WNT2B: variants seen among roughly 807,000 people sequenced by gnomAD.
The protein encoded by WNT2B is protein Wnt-2b.
In WNT2B, 19 loss-of-function variants were observed where a neutral mutation model predicts 40.5. That is an observed-to-expected ratio of 0.47 (90% confidence interval 0.33 to 0.69). The LOEUF is 0.69. WNT2B is among the 30% of genes least tolerant of loss of function. The probability of loss-of-function intolerance (pLI) is 0.02; values close to 1 mark genes in which losing one functional copy is unlikely to be tolerated. For synonymous variants in WNT2B, 220 were observed against 211.9 expected, an observed-to-expected ratio of 1.04 and a Z score of -0.33; for missense variants, 467 against 556.4, an observed-to-expected ratio of 0.84 and a Z score of 1.62.
At position 112,499,355 on chromosome 1, in the gene WNT2B, A is replaced by G. The variant is rs187994434; in HGVS notation, c.-94-15519A>G. Among the ~76,000 whole-genome samples the G allele has an allele frequency of 2.4e-3, 370 of 152,338 alleles. 3 individuals are homozygous for G. The highest frequency in any genetic ancestry group is 8.2e-3 in the African/African-American group (340 of 41,572). The stretch of plus-strand genomic sequence containing the variant: ...TACCAAAACCAGACAAAGACATTAT[A>G]TGAAAACTCAGACTAATATCTCTCA... On this transcript the variant is annotated intron_variant, in intron 1 of 4. Transcript: ENST00000256640.
chr1:112,516,072 T>C (rs930199545), intron 2 of WNT2B, 68 bp from the exon 3 acceptor site: 4 of 1,545,076 alleles, frequency 2.6e-6, no homozygotes, highest in African/African-American at 1.4e-5. Flanking sequence ...TCAGAGGTTG[T>C]ATGGGCTGAA....
rs1211284071 is a variant in WNT2B at position 112,524,257 on chromosome 1, T to G, written c.*3748T>G. 4 of 152,556 alleles carry G rather than the reference T, an allele frequency of 2.6e-5. No individual in the cohort carries two copies. The highest frequency in any genetic ancestry group is 4.4e-5 in the Non-Finnish European group (3 of 68,024). The allele number at this position is 152,556 out of a possible 1,614,324, so 9.5% of individuals were successfully genotyped here. ...ACAGAAGAGAGATAATTAGGATTTT[T>G]TTTTCCTCAGTCTTTCTGAGGTTTT... is the stretch of plus-strand genomic sequence containing the variant. On this transcript the variant is annotated 3_prime_UTR_variant, in exon 5 of 5. Coordinates refer to ENST00000369684, the MANE Select transcript of WNT2B (RefSeq NM_024494.3).
At chr1:112,505,262 T>C (rs1652074098), upstream of WNT2B, among the ~76,000 whole-genome samples, 1 of 152,236 alleles carries the variant, frequency 6.6e-6, no homozygotes, top group Admixed American at 6.5e-5. Flanking sequence ...ACTGATACTG[T>C]TCACTATGTC....
chr1:112,526,171 G>C lies in WNT2B; in HGVS notation c.*5662G>C. The stretch of plus-strand genomic sequence containing the variant: ...CCTGTAGGAGTCCCAGGACAGCCAA[G>C]AGAGTATATCTGAGCACAGTTTACA... On this transcript the variant is annotated 3_prime_UTR_variant, in exon 5 of 5. Coordinates refer to ENST00000369684, the MANE Select transcript of WNT2B (RefSeq NM_024494.3). 6.8e-6 allele frequency: 11 copies of C among 1,609,622 alleles called. No homozygotes were observed. The highest frequency in any genetic ancestry group is 8.5e-6 in the Non-Finnish European group (10 of 1,178,336).
intron 1 of WNT2B, chr1:112,490,895 C>T (rs1434982990): frequency 2.0e-6 from 2 of 996,758 alleles, no homozygotes; most frequent in Non-Finnish European, 3.0e-6. Flanking sequence ...CGGAAAGATC[C>T]CCCCTGGATT....
chr1:112,486,263 C>T (rs867141735), intron 1 of WNT2B, among the ~76,000 whole-genome samples: 2 of 151,962 alleles, frequency 1.3e-5, no homozygotes, highest in African/African-American at 2.4e-5. Flanking sequence ...GGCAACATAG[C>T]GAGACCCCAT....
Position 112,494,771 on chromosome 1 carries a change from G to C in WNT2B, c.-94-20103G>C, listed in dbSNP as rs569847856. On this transcript the variant is annotated intron_variant, in intron 1 of 4. Transcript: ENST00000256640. ...GAAATGTTAAAAGAAATTCTTTAGAGAGAAGCAAAATAATAGGTCAGAAAC... is the reference window on the plus strand; with the variant it reads ...GAAATGTTAAAAGAAATTCTTTAGACAGAAGCAAAATAATAGGTCAGAAAC... Among the ~76,000 whole-genome samples the C allele has an allele frequency of 2.0e-5, 3 of 151,622 alleles. No individual in the cohort carries two copies. The South Asian group carries it at 6.2e-4, about 31-fold the overall frequency.
chr1:112,475,855 A>G (rs958496782), intron 1 of WNT2B, among the ~76,000 whole-genome samples: 1 of 152,180 alleles, frequency 6.6e-6, no homozygotes, highest in East Asian at 1.9e-4. Flanking sequence ...AAACAACTCA[A>G]TTAAAGGCAG....
At chr1:112,490,893 T>A (rs1651581123) in intron 1 of WNT2B, 1 of 985,962 alleles carries the variant, frequency 1.0e-6, no homozygotes, top group Non-Finnish European at 1.5e-6. Context: ...TCCGGAAAGA[T>A]CCCCCCTGGA....
Position 112,509,577 on chromosome 1 carries a change from T to G in WNT2B, c.182+133T>G. 9.8e-7 allele frequency: 1 copy of G among 1,021,650 alleles called. No homozygotes were observed. The highest frequency in any genetic ancestry group is 1.3e-6 in the Non-Finnish European group (1 of 759,178). The allele number at this position is 1,021,650 out of a possible 1,614,324, so 63.3% of individuals were successfully genotyped here. A position where few individuals can be genotyped will look rare whatever the true frequency, so the allele number is the denominator to read the frequency against. On this transcript the variant is annotated intron_variant, in intron 1 of 4. Transcript: ENST00000369684. The surrounding 1 kb of genome is among the most constrained non-coding windows in gnomAD (Gnocchi z 4.2). ...GAGACGATTCGGGCAGGACTGTCAC[T>G]GAAATCTGAAGTCGCGGGGTGGCGG...
intron 1 of WNT2B, among the ~76,000 whole-genome samples, chr1:112,488,478 C>A (rs1262368941): frequency 6.6e-6 from 1 of 151,862 alleles, no homozygotes; most frequent in African/African-American, 2.4e-5. Flanking sequence ...TTTGTAAATG[C>A]TGTAAATAAC....
At position 112,509,073 on chromosome 1, in the gene WNT2B, C is replaced by T; in HGVS notation, c.-190C>T. On this transcript the variant is annotated 5_prime_UTR_variant, in exon 1 of 5. Transcript: ENST00000369684. This position sits in a 1 kb window ranked among gnomAD's most constrained non-coding sequence, Gnocchi z 4.2. ...GGTTCGGCACGCCGTCGTCGGCTTCCGGACATCGCAACTTGCGCCCCTCTC... is the reference window on the plus strand; with the variant it reads ...GGTTCGGCACGCCGTCGTCGGCTTCTGGACATCGCAACTTGCGCCCCTCTC... 1 of 1,351,156 alleles carries T rather than the reference C, an allele frequency of 7.4e-7. No individual in the cohort carries two copies. Among genetic ancestry groups the T allele is most frequent in the Non-Finnish European group, 9.4e-7 (1 of 1,060,808 alleles). 83.7% of individuals were successfully genotyped at this position (1,351,156 alleles called of 1,614,324 possible). A position where few individuals can be genotyped will look rare whatever the true frequency, so the allele number is the denominator to read the frequency against.
intron 1 of WNT2B, among the ~76,000 whole-genome samples, chr1:112,481,104 G>A (rs1313159210): frequency 4.6e-5 from 7 of 151,850 alleles, no homozygotes. Context: ...GGGAGGCAAA[G>A]GTTGCAGTGA....
chr1:112,481,852 A>AT (rs137967743), intron 1 of WNT2B, among the ~76,000 whole-genome samples: 2 of 152,018 alleles, frequency 1.3e-5, no homozygotes, highest in South Asian at 4.2e-4. Flanking sequence ...ATCTACAAAA[A>AT]TTTTTTTAAA....
chr1:112,483,659 C>T (rs61820470), intron 1 of WNT2B, among the ~76,000 whole-genome samples: 22 of 149,614 alleles, frequency 1.5e-4, no homozygotes, highest in African/African-American at 4.4e-4. Context: ...AGCTTCTGCA[C>T]AGCAAAGGAA....
intron 1 of WNT2B, among the ~76,000 whole-genome samples, chr1:112,487,477 C>T (rs532351357): frequency 2.0e-5 from 3 of 152,070 alleles, no homozygotes; most frequent in Non-Finnish European, 4.4e-5. Flanking sequence ...TTAGTGTAGC[C>T]TACCTTAAAT....
At chr1:112,493,085 TATC>T (rs56876968) in intron 1 of WNT2B, among the ~76,000 whole-genome samples, 12,273 of 152,168 alleles carry the variant, frequency 0.081, 692 homozygotes, top group African/African-American at 0.16. Context: ...ATATTGGAAT[TATC>T]ATACTGGGAA....
chr1:112,520,298 G>C lies in WNT2B; in HGVS notation c.965G>C (p.Gly322Ala). The change falls in exon 5 of 5, where the codon GGC becomes GCC. Residue 322 changes from glycine (G) to alanine (A), a missense_variant. This residue lies in a region of WNT2B where 330 missense variants were observed against 438.6 expected (regional missense o/e 0.75). Coordinates refer to ENST00000369684, the MANE Select transcript of WNT2B (RefSeq NM_024494.3). ...AACCCAGGTTCCCTAGGCACTGCAG[G>C]CCGTGTCTGCAGCAAGACATCAAAA... The part of the protein sequence containing the change: ...DKAAGSLGTA[G>A]RVCSKTSKGT... 6.2e-7 allele frequency: 1 copy of C among 1,614,010 alleles called. No individual in the cohort carries two copies. The highest frequency in any genetic ancestry group is 8.5e-7 in the Non-Finnish European group (1 of 1,179,968).
rs1016919460 is a variant in WNT2B at position 112,519,889 on chromosome 1, T to C, written c.947-391T>C. The stretch of plus-strand genomic sequence containing the variant: ...CCATGCTTCTTTTTTTTTTTTTTTT[T>C]TTTGGAGACAGAGTTTCACTGTCAC... On this transcript the variant is annotated intron_variant, in intron 4 of 4. Transcript: ENST00000369684. 2.3e-4 allele frequency among the ~76,000 whole-genome samples: 34 copies of C among 150,358 alleles called. No homozygotes were observed. In the East Asian group the frequency reaches 5.9e-3, roughly 26 times the overall value.
Sources: allele counts gnomAD v4.1 joint callset (sites outside exome capture counted in the v4.1 genomes callset), GRCh38; gene constraint gnomAD v4.1.1; regional missense constraint gnomAD v4.1.1; non-coding constraint Gnocchi (gnomAD v3.1); transcripts MANE v1.5; gene names NCBI Gene and HGNC (gene_info 2026-07-23, HGNC 2026-07-21).